Variants in ZFHX3 observed in about 807,000 individuals in gnomAD.
ZFHX3 encodes zinc finger homeobox 3, also known as zinc finger homeobox protein 3.
A neutral mutation model predicts 279.1 loss-of-function variants in ZFHX3; 42 were observed. The ratio of observed to expected loss-of-function variants is 0.15; its 90% CI spans 0.12 to 0.19. The LOEUF is 0.19. Ranked by LOEUF, ZFHX3 falls within the 10% of genes least tolerant of loss-of-function variation. The pLI is 1.00. For synonymous variants in ZFHX3, 2,293 were observed against 1,957.8 expected (o/e 1.17, Z -4.52); for missense variants, 4,981 against 4,754.0 (o/e 1.05, Z -1.40).
chr16:72,897,194 G>A (rs1319468492), intron 3 of ZFHX3, among the ~76,000 whole-genome samples: 6 of 152,188 alleles, frequency 3.9e-5, no homozygotes, highest in East Asian at 3.9e-4. Context: ...GAAGCTGCCC[G>A]TTACAGCACC....
At chr16:73,324,824 G>A (rs769311650) in intron 3 of ZFHX3, among the ~76,000 whole-genome samples, 12 of 152,136 alleles carry the variant, frequency 7.9e-5, no homozygotes, top group Non-Finnish European at 1.5e-4. Flanking sequence ...CTAGGCCCTG[G>A]GTGTGGAGCA....
At position 72,798,107 on chromosome 16, in the gene ZFHX3, C is replaced by G. The variant is rs1289694466; in HGVS notation, c.4575G>C (p.Leu1525=). The part of the protein sequence containing the change: ...EDSGSEPKRA[L]PFRKGPNFTM... ...TAAAATTGGGACCTTTTCTGAAAGG[C>G]AGAGCTCTCTTTGGCTCTGAGCCCG... Residue 1525 remains leucine, a synonymous_variant, in exon 9 of 10, where the codon CTG becomes CTC. Coordinates refer to ENST00000268489, the MANE Select transcript of ZFHX3 (RefSeq NM_006885.4). The G allele has an allele frequency of 6.2e-7, 1 of 1,614,206 alleles. No homozygotes were observed. The highest frequency in any genetic ancestry group is 8.5e-7 in the Non-Finnish European group (1 of 1,180,040).
intron 2 of ZFHX3, among the ~76,000 whole-genome samples, chr16:73,640,908 A>G (rs2142155997): frequency 6.6e-6 from 1 of 152,312 alleles, no homozygotes; most frequent in South Asian, 2.1e-4. Flanking sequence ...CAAAATCACA[A>G]AATATTGGAA....
chr16:73,690,014 T>C (rs1597067918), intron 1 of ZFHX3, among the ~76,000 whole-genome samples: 2 of 151,954 alleles, frequency 1.3e-5, no homozygotes, highest in South Asian at 4.2e-4. Flanking sequence ...CTCCCTGGTT[T>C]AAGCAATTGC....
intron 1 of ZFHX3, among the ~76,000 whole-genome samples, chr16:73,761,147 A>G (rs147257490): frequency 2.0e-5 from 3 of 152,316 alleles, no homozygotes; most frequent in African/African-American, 7.2e-5. Context: ...CTCAGGATAC[A>G]AAATCAATGT....
chr16:73,651,258 G>A (rs1166244249), intron 2 of ZFHX3, among the ~76,000 whole-genome samples: 2 of 151,446 alleles, frequency 1.3e-5, no homozygotes, highest in Non-Finnish European at 2.9e-5. Flanking sequence ...GCAGGGAAAT[G>A]AAGAAGTTAA....
chr16:73,045,622 G>T (rs1478432571), intron 1 of ZFHX3, among the ~76,000 whole-genome samples: 1 of 149,038 alleles, frequency 6.7e-6, no homozygotes, highest in Non-Finnish European at 1.5e-5. Context: ...AGGTGGTTGG[G>T]GAAGCAGCAT....
intron 4 of ZFHX3, among the ~76,000 whole-genome samples, chr16:72,849,226 C>CA (rs1279495965): frequency 6.6e-6 from 1 of 152,110 alleles, no homozygotes; most frequent in Non-Finnish European, 1.5e-5. Context: ...CCCGGGAACT[C>CA]AGTCATTCCA....
At chr16:72,841,304 TC>T in intron 4 of ZFHX3, among the ~76,000 whole-genome samples, 1 of 152,206 alleles carries the variant, frequency 6.6e-6, no homozygotes, top group South Asian at 2.1e-4. Flanking sequence ...AGTTGACATT[TC>T]CTGGGAAACT....
intron 1 of ZFHX3, among the ~76,000 whole-genome samples, chr16:73,764,177 G>T (rs954524794): frequency 2.0e-5 from 3 of 152,302 alleles, no homozygotes; most frequent in Non-Finnish European, 4.4e-5. Context: ...TCAGACACCA[G>T]AGGGAGAGAG....
intron 1 of ZFHX3, among the ~76,000 whole-genome samples, chr16:73,749,316 G>A (rs1044918619): frequency 1.3e-5 from 2 of 151,078 alleles, no homozygotes; most frequent in African/African-American, 2.5e-5. Context: ...CCACTACCCC[G>A]ATAATATCGC....
chr16:73,249,175 T>C (rs2013405496), intron 5 of ZFHX3, among the ~76,000 whole-genome samples: 1 of 152,232 alleles, frequency 6.6e-6, no homozygotes, highest in Non-Finnish European at 1.5e-5. Context: ...GGAATGCTGA[T>C]AATTCCCCTA....
chr16:73,055,583 T>C (rs1482178239), intron 1 of ZFHX3, among the ~76,000 whole-genome samples: 1 of 151,498 alleles, frequency 6.6e-6, no homozygotes, highest in Non-Finnish European at 1.5e-5. Context: ...AGTCACAGAG[T>C]CCTGAAAAGC....
intron 1 of ZFHX3, among the ~76,000 whole-genome samples, chr16:73,742,599 G>T (rs1597091165): frequency 6.6e-6 from 1 of 152,104 alleles, no homozygotes; most frequent in African/African-American, 2.4e-5. Flanking sequence ...TGGTCAACCT[G>T]GTTCATATCC....
chr16:73,797,555 G>A (rs60681074), intron 1 of ZFHX3, among the ~76,000 whole-genome samples: 2,918 of 152,236 alleles, frequency 0.019, 104 homozygotes, highest in African/African-American at 0.065. Context: ...GTGATGGCCA[G>A]AGAATGCCTG....
In ZFHX3 at chr16:72,889,835, C is replaced by T. The variant is rs148670342; in HGVS notation, c.3344G>A (p.Ser1115Asn). ...QHVRSMKHQR[S>N]ESLRKLQRLQ... ...CCGCTGCAGCTTTCGCAGGCTCTCGCTTCGCTGGTGCTTCATGGAGCGCAC... is the reference window on the plus strand; with the variant it reads ...CCGCTGCAGCTTTCGCAGGCTCTCGTTTCGCTGGTGCTTCATGGAGCGCAC... Residue 1115 changes from serine to asparagine, a missense_variant, in exon 4 of 10, where the codon AGC (serine) becomes AAC (asparagine). Physicochemically the swap from Ser to Asn is conservative, Grantham distance 46. Coordinates refer to ENST00000268489, the MANE Select transcript of ZFHX3 (RefSeq NM_006885.4). The T allele has an allele frequency of 6.2e-7, 1 of 1,614,110 alleles. No homozygotes were observed. The highest frequency in any genetic ancestry group is 8.5e-7 in the Non-Finnish European group (1 of 1,180,044).
intron 3 of ZFHX3, among the ~76,000 whole-genome samples, chr16:73,319,635 A>G (rs1220145624): frequency 3.3e-5 from 5 of 151,602 alleles, no homozygotes; most frequent in African/African-American, 1.2e-4. Flanking sequence ...GGCATGGCAG[A>G]GAGTGGGGGT....
intron 4 of ZFHX3, among the ~76,000 whole-genome samples, chr16:72,837,109 A>G (rs1368489561): frequency 6.6e-6 from 1 of 152,202 alleles, no homozygotes; most frequent in Non-Finnish European, 1.5e-5. Context: ...AAGTGCACCA[A>G]GTCAATGGGA....
chr16:73,244,044 C>G (rs1456340456), intron 5 of ZFHX3, among the ~76,000 whole-genome samples: 1 of 152,116 alleles, frequency 6.6e-6, no homozygotes, highest in Non-Finnish European at 1.5e-5. Context: ...ATGCACCATG[C>G]TAGGCAGCCC....
Sources: allele counts gnomAD v4.1 joint callset (sites outside exome capture counted in the v4.1 genomes callset), GRCh38; gene constraint gnomAD v4.1.1; transcripts MANE v1.5; gene names NCBI Gene and HGNC (gene_info 2026-07-23, HGNC 2026-07-21).